The following SLC4A4 variants were observed in gnomAD, a reference collection of about 807,000 sequenced individuals.
SLC4A4 encodes the protein electrogenic sodium bicarbonate cotransporter 1.
SLC4A4 carries 27 observed loss-of-function variants against 111.5 expected under a neutral mutation model. The ratio of observed to expected loss-of-function variants is 0.24; its 90% CI spans 0.18 to 0.33. The LOEUF (loss-of-function observed/expected upper bound fraction) is 0.33, where lower values mean the gene tolerates loss of function less well. SLC4A4 is among the 10% of genes least tolerant of loss of function. SLC4A4 has a pLI of 1.00. For synonymous variants in SLC4A4, 443 were observed against 463.4 expected, an observed-to-expected ratio of 0.96 and a Z score of 0.57; for missense variants, 909 against 1,315.5, an observed-to-expected ratio of 0.69 and a Z score of 4.78.
chr4:71,138,403 C>T (rs747029610), intron 2 of SLC4A4, among the ~76,000 whole-genome samples: 26 of 152,116 alleles, frequency 1.7e-4, no homozygotes, highest in Non-Finnish European at 3.8e-4. Context: ...TCTTGCAACA[C>T]ATTAAGCAGA....
rs936457551 is a variant in SLC4A4, at chr4:71,569,454, A to G, written c.*1703A>G. 1 of 151,718 alleles carries G rather than the reference A, an allele frequency of 6.6e-6. No individual in the cohort carries two copies. Among genetic ancestry groups the G allele is most frequent in the Non-Finnish European group, 1.5e-5 (1 of 67,808 alleles). The allele number at this position is 151,718 out of a possible 1,614,324, so 9.4% of individuals were successfully genotyped here. On this transcript the variant is annotated 3_prime_UTR_variant, in exon 26 of 26. Coordinates refer to ENST00000264485, the MANE Select transcript of SLC4A4 (RefSeq NM_001098484.3). ...ATATATTTGTGTACATATTATATGT[A>G]TGTATATTTCAAAGTACCACACTGA...
At chr4:71,337,115 A>G (rs1394502817) in intron 3 of SLC4A4, among the ~76,000 whole-genome samples, 1 of 152,220 alleles carries the variant, frequency 6.6e-6, no homozygotes, top group Non-Finnish European at 1.5e-5. Flanking sequence ...CATTATGCAC[A>G]CATGTTAGTT....
At chr4:71,419,122 T>C (rs1201488847) in intron 7 of SLC4A4, among the ~76,000 whole-genome samples, 1 of 152,184 alleles carries the variant, frequency 6.6e-6, no homozygotes, top group Non-Finnish European at 1.5e-5. Flanking sequence ...GCCTCCCAGT[T>C]AGGCTGCTCA....
chr4:71,254,714 A>G (rs1721315215), intron 2 of SLC4A4, among the ~76,000 whole-genome samples: 1 of 151,952 alleles, frequency 6.6e-6, no homozygotes, highest in Admixed American at 6.6e-5. Context: ...TTGAACTTTG[A>G]TAAATCTTTA....
At chr4:71,247,027 A>T (rs1400023232) in intron 2 of SLC4A4, among the ~76,000 whole-genome samples, 1 of 152,058 alleles carries the variant, frequency 6.6e-6, no homozygotes, top group Non-Finnish European at 1.5e-5. Flanking sequence ...ACAGTATTGA[A>T]GATTCTGGGA....
intron 1 of SLC4A4, among the ~76,000 whole-genome samples, chr4:71,078,619 T>C (rs1741911438): frequency 6.6e-6 from 1 of 152,164 alleles, no homozygotes; most frequent in Non-Finnish European, 1.5e-5. Flanking sequence ...AATTTTAAGA[T>C]GTTTGTGCTT....
chr4:71,227,875 A>C (rs1719155503), intron 1 of SLC4A4, among the ~76,000 whole-genome samples: 1 of 152,230 alleles, frequency 6.6e-6, no homozygotes, highest in African/African-American at 2.4e-5. Context: ...CTGTAACGGT[A>C]AAACCTCTGA....
intron 19 of SLC4A4, 152 bp downstream of exon 19, chr4:71,546,680 A>G: frequency 2.7e-6 from 2 of 729,988 alleles, no homozygotes; most frequent in Non-Finnish European, 4.7e-6. Flanking sequence ...CTAAATTTTC[A>G]TCAGAGGTTT....
At chr4:71,107,533 A>G (rs1578486640) in intron 2 of SLC4A4, among the ~76,000 whole-genome samples, 1 of 152,002 alleles carries the variant, frequency 6.6e-6, no homozygotes, top group East Asian at 1.9e-4. Flanking sequence ...ATTTTTTAGT[A>G]GAGACGGGGT....
intron 6 of SLC4A4, among the ~76,000 whole-genome samples, chr4:71,385,384 G>A (rs1334516829): frequency 6.6e-6 from 1 of 151,160 alleles, no homozygotes; most frequent in Non-Finnish European, 1.5e-5. Context: ...TTTTAATAGA[G>A]ACGGGGTTTC....
At chr4:71,216,973 T>C (rs1052711732) in intron 1 of SLC4A4, among the ~76,000 whole-genome samples, 2 of 152,180 alleles carry the variant, frequency 1.3e-5, no homozygotes, top group East Asian at 1.9e-4. Flanking sequence ...AAGTCCATTT[T>C]TCAGATGAGA....
chr4:71,504,570 G>T (rs1731220281), intron 16 of SLC4A4, among the ~76,000 whole-genome samples: 2 of 146,236 alleles, frequency 1.4e-5, no homozygotes, highest in South Asian at 2.1e-4. Flanking sequence ...GTATCTCTCT[G>T]AGCTTCTTTA....
At chr4:71,470,688 A>G (rs543164343) in intron 13 of SLC4A4, among the ~76,000 whole-genome samples, 1 of 152,186 alleles carries the variant, frequency 6.6e-6, no homozygotes, top group South Asian at 2.1e-4. Flanking sequence ...CAGATTTATT[A>G]TAAAGAGTTG....
At chr4:71,439,275 A>G (rs1300931905) in intron 7 of SLC4A4, among the ~76,000 whole-genome samples, 1 of 151,358 alleles carries the variant, frequency 6.6e-6, no homozygotes, top group Non-Finnish European at 1.5e-5. Flanking sequence ...AAAAGACGAA[A>G]AAATTACCCA....
At chr4:71,513,246 T>C (rs1244686579) in intron 16 of SLC4A4, among the ~76,000 whole-genome samples, 1 of 152,182 alleles carries the variant, frequency 6.6e-6, no homozygotes, top group Non-Finnish European at 1.5e-5. Flanking sequence ...ATTTTAATGG[T>C]ATTAATGCTT....
chr4:71,176,722 C>T (rs1219172815), intron 2 of SLC4A4, among the ~76,000 whole-genome samples: 3 of 152,282 alleles, frequency 2.0e-5, no homozygotes, highest in East Asian at 1.9e-4. Context: ...CTGAAAGTGA[C>T]AGGGAGAATG....
chr4:71,142,780 T>C (rs968606641), intron 2 of SLC4A4, among the ~76,000 whole-genome samples: 13 of 149,664 alleles, frequency 8.7e-5, no homozygotes, highest in African/African-American at 2.7e-4. Flanking sequence ...TTTTTTTTTT[T>C]TTTTTAGCTT....
At chr4:71,065,907 C>A (rs1171270427) in intron 1 of SLC4A4, among the ~76,000 whole-genome samples, 2 of 151,804 alleles carry the variant, frequency 1.3e-5, no homozygotes, top group Non-Finnish European at 2.9e-5. Flanking sequence ...ATTGTAATTG[C>A]CTATTTATTT....
chr4:71,440,885 G>T (rs1724653960), intron 8 of SLC4A4, 112 bp downstream of exon 8: 7 of 1,220,262 alleles, frequency 5.7e-6, no homozygotes, highest in Middle Eastern at 2.7e-4. Flanking sequence ...ACATTGGAGA[G>T]GTTTAACTTG....
Sources: allele counts gnomAD v4.1 joint callset (sites outside exome capture counted in the v4.1 genomes callset), GRCh38; gene constraint gnomAD v4.1.1; transcripts MANE v1.5; gene names NCBI Gene and HGNC (gene_info 2026-07-23, HGNC 2026-07-21).